Variants in RORA observed in about 807,000 individuals in gnomAD.
The protein encoded by RORA is nuclear receptor ROR-alpha.
A neutral mutation model predicts 69.5 loss-of-function variants in RORA; 7 were observed. The ratio of observed to expected loss-of-function variants is 0.10; its 90% confidence interval spans 0.06 to 0.19. RORA has a LOEUF of 0.19. RORA is among the 10% of genes least tolerant of loss of function. RORA has a pLI of 1.00. For synonymous variants in RORA, 261 were observed against 240.8 expected, an observed-to-expected ratio of 1.08 and a Z score of -0.78; for missense variants, 457 against 663.0, an observed-to-expected ratio of 0.69 and a Z score of 3.41.
At chr15:60,730,576 A>C in intron 1 of RORA, among the ~76,000 whole-genome samples, 1 of 152,176 alleles carries the variant, frequency 6.6e-6, no homozygotes, top group Non-Finnish European at 1.5e-5. Context: ...CAAACTTTTA[A>C]ATATAACATT....
chr15:60,626,491 G>A (rs138976543), intron 2 of RORA, among the ~76,000 whole-genome samples: 32 of 152,234 alleles, frequency 2.1e-4, no homozygotes, highest in African/African-American at 7.0e-4. Flanking sequence ...GCGTTCTCAT[G>A]GAATTTAATA....
At chr15:60,911,430 C>T (rs1891712540) in intron 1 of RORA, among the ~76,000 whole-genome samples, 2 of 152,162 alleles carry the variant, frequency 1.3e-5, no homozygotes, top group African/African-American at 4.8e-5. Context: ...GTTGACTTTA[C>T]TGGCGGACAA....
At chr15:60,659,456 T>G (rs891460224) in intron 2 of RORA, among the ~76,000 whole-genome samples, 1 of 152,082 alleles carries the variant, frequency 6.6e-6, no homozygotes, top group African/African-American at 2.4e-5. Flanking sequence ...GGGAAAAAAT[T>G]TAAAACAAGA....
At chr15:60,614,122 TTAA>T (rs1294033447) in intron 2 of RORA, among the ~76,000 whole-genome samples, 2 of 152,138 alleles carry the variant, frequency 1.3e-5, no homozygotes, top group African/African-American at 4.8e-5. Context: ...TTTTGAACAT[TTAA>T]GTGAAAAATA....
At chr15:60,712,300 A>T (rs968483039) in intron 1 of RORA, among the ~76,000 whole-genome samples, 8 of 152,204 alleles carry the variant, frequency 5.3e-5, no homozygotes, top group African/African-American at 1.9e-4. Flanking sequence ...TGTTTTCTTT[A>T]AAAAGGTGTG....
intron 1 of RORA, among the ~76,000 whole-genome samples, chr15:60,856,107 T>C (rs2073377430): frequency 6.6e-6 from 1 of 152,148 alleles, no homozygotes; most frequent in Non-Finnish European, 1.5e-5. Flanking sequence ...TGCTGATCCA[T>C]CCTCAACAAC....
intron 1 of RORA, among the ~76,000 whole-genome samples, chr15:61,154,549 G>A (rs1218751053): frequency 6.6e-6 from 1 of 152,176 alleles, no homozygotes; most frequent in Non-Finnish European, 1.5e-5. Context: ...AGATCTACGT[G>A]ACCTGTCATC....
At chr15:61,111,992 G>C (rs2079010286) in intron 1 of RORA, among the ~76,000 whole-genome samples, 1 of 152,138 alleles carries the variant, frequency 6.6e-6, no homozygotes. Context: ...AGGTGTGGGA[G>C]GTTGGGTTCA....
At chr15:60,598,745 C>A (rs528181296) in intron 2 of RORA, among the ~76,000 whole-genome samples, 9 of 152,306 alleles carry the variant, frequency 5.9e-5, no homozygotes, top group Non-Finnish European at 7.4e-5. Flanking sequence ...CACTTTTAAA[C>A]CCTACATTGT....
intron 2 of RORA, among the ~76,000 whole-genome samples, chr15:60,593,613 T>G (rs2068601090): frequency 6.6e-6 from 1 of 152,106 alleles, no homozygotes; most frequent in East Asian, 1.9e-4. Flanking sequence ...ATACCCAGAG[T>G]CTGCATTGTT....
chr15:61,197,752 C>G (rs540023853), intron 1 of RORA, among the ~76,000 whole-genome samples: 1 of 152,306 alleles, frequency 6.6e-6, no homozygotes, highest in East Asian at 1.9e-4. Context: ...TGTCCTGGAT[C>G]CCATCCAAAA....
chr15:61,141,544 T>A (rs2079298505), intron 1 of RORA, among the ~76,000 whole-genome samples: 1 of 152,156 alleles, frequency 6.6e-6, no homozygotes. Flanking sequence ...TTTAAAAAAA[T>A]TTTAGAAATC....
intron 1 of RORA, among the ~76,000 whole-genome samples, chr15:61,029,365 C>T (rs2140436908): frequency 6.6e-6 from 1 of 152,148 alleles, no homozygotes; most frequent in South Asian, 2.1e-4. Flanking sequence ...GAAGCAGGAG[C>T]AAATCCACAC....
intron 2 of RORA, among the ~76,000 whole-genome samples, chr15:60,661,821 A>T (rs138785505): frequency 6.6e-6 from 1 of 152,308 alleles, no homozygotes; most frequent in African/African-American, 2.4e-5. Context: ...ACTACCTGGT[A>T]TCTCAAGCTT....
At chr15:60,522,185 T>A (rs1262545077) in intron 3 of RORA, among the ~76,000 whole-genome samples, 1 of 152,228 alleles carries the variant, frequency 6.6e-6, no homozygotes, top group Non-Finnish European at 1.5e-5. Flanking sequence ...AACTACTTTT[T>A]AATGATTATT....
chr15:60,791,075 T>A (rs553650754), intron 1 of RORA, among the ~76,000 whole-genome samples: 1 of 152,090 alleles, frequency 6.6e-6, no homozygotes, highest in Non-Finnish European at 1.5e-5. Flanking sequence ...GATGCTTTGG[T>A]ATCAAAAAGT....
At chr15:60,890,131 A>G (rs986324988) in intron 1 of RORA, among the ~76,000 whole-genome samples, 2 of 152,262 alleles carry the variant, frequency 1.3e-5, no homozygotes, top group Non-Finnish European at 2.9e-5. Flanking sequence ...TGCTATGCAC[A>G]TACGCATCCC....
At chr15:60,868,976 C>G (rs1167610834) in intron 1 of RORA, among the ~76,000 whole-genome samples, 3 of 152,144 alleles carry the variant, frequency 2.0e-5, no homozygotes, top group African/African-American at 4.8e-5. Flanking sequence ...AGGAAGCTGA[C>G]CAGAACCCAT....
At chr15:61,004,101 G>A (rs1057198810) in intron 1 of RORA, among the ~76,000 whole-genome samples, 2 of 152,164 alleles carry the variant, frequency 1.3e-5, no homozygotes, top group South Asian at 4.2e-4. Context: ...CAGAGTGAAG[G>A]GGAGTCAGAC....
Sources: gnomAD v4.1 joint callset for allele counts (sites outside exome capture counted in the v4.1 genomes callset) on GRCh38, gnomAD v4.1.1 for gene constraint, MANE v1.5 for transcripts, NCBI Gene and HGNC (gene_info 2026-07-23, HGNC 2026-07-21) for gene names.